Variants in DOCK8 observed in about 807,000 individuals in gnomAD.
DOCK8 encodes dedicator of cytokinesis protein 8.
Under a neutral mutation model 245.6 loss-of-function variants are expected in DOCK8, and 141 were observed. The ratio of observed to expected loss-of-function variants is 0.57; its 90% confidence interval spans 0.50 to 0.66. The LOEUF (loss-of-function observed/expected upper bound fraction) is 0.66. Ranked by LOEUF, DOCK8 falls within the 30% of genes least tolerant of loss-of-function variation. DOCK8 has a pLI of 0.00. For missense variants in DOCK8, 2,965 were observed against 2,603.4 expected, an observed-to-expected ratio of 1.14 and a Z score of -3.02; for synonymous variants, 1,168 against 970.2, an observed-to-expected ratio of 1.20 and a Z score of -3.79.
At chr9:316,994 C>A in intron 6 of DOCK8, 49 bp from the exon 7 acceptor site, 2 of 1,429,954 alleles carry the variant, frequency 1.4e-6, no homozygotes, top group Non-Finnish European at 2.0e-6. Context: ...CTAATTGGAG[C>A]TCCCCACAGA....
At position 428,357 on chromosome 9, in the gene DOCK8, C is replaced by G; in HGVS notation, c.4339-5C>G. 1.9e-6 allele frequency: 3 copies of G among 1,614,092 alleles called. No individual in the cohort carries two copies. The highest frequency in any genetic ancestry group is 8.5e-7 in the Non-Finnish European group (1 of 1,180,012). ...TTCAATGATGCTGTTCTTCCATTCC[C>G]CCAGGCGAGCTCGGCTCTGGACTGT... is the stretch of plus-strand genomic sequence containing the variant. On this transcript the variant is annotated splice_region_variant and splice_polypyrimidine_tract_variant and intron_variant, in intron 34 of 47. Transcript: ENST00000432829.
In DOCK8 at chr9:350,214, G is replaced by A. The variant is rs1275862799; in HGVS notation, c.1679+9893G>A. Among the ~76,000 whole-genome samples, 4 of 152,164 alleles carry A rather than the reference G, an allele frequency of 2.6e-5. No individual in the cohort carries two copies. In the South Asian group the frequency reaches 6.2e-4, roughly 24 times the overall value. On this transcript the variant is annotated intron_variant, in intron 14 of 47. Transcript: ENST00000432829. ...TGCAGCCTCAAACTGCTGGGCTTAA[G>A]TGATCCTCCCAACTCAGCCTCCCAA...
intron 1 of DOCK8, among the ~76,000 whole-genome samples, chr9:249,273 T>C (rs1170653228): frequency 6.6e-6 from 1 of 151,234 alleles, no homozygotes; most frequent in African/African-American, 2.4e-5. Context: ...CCAGTTCTTT[T>C]GTCCAACAAT....
chr9:229,733 C>T (rs560944523), intron 1 of DOCK8, among the ~76,000 whole-genome samples: 26 of 152,140 alleles, frequency 1.7e-4, no homozygotes, highest in Non-Finnish European at 2.8e-4. Context: ...GACAGAGAGA[C>T]TAACATATCT....
Position 382,692 on chromosome 9 carries a change from A to G in DOCK8, c.2778+7A>G, listed in dbSNP as rs1341999818. 1 of 1,614,136 alleles carries G rather than the reference A, an allele frequency of 6.2e-7. No individual in the cohort carries two copies. The highest frequency in any genetic ancestry group is 1.1e-5 in the South Asian group (1 of 91,084). On this transcript the variant is annotated splice_region_variant and intron_variant, in intron 22 of 47. Coordinates refer to ENST00000432829, the MANE Select transcript of DOCK8 (RefSeq NM_203447.4). ...GAACATCATGTCTTCAAAGGTAGGA[A>G]AGATGTCAAACCGTGGAAGGGGACA...
intron 1 of DOCK8, among the ~76,000 whole-genome samples, chr9:244,101 T>C (rs1587651053): frequency 6.8e-6 from 1 of 146,392 alleles, no homozygotes; most frequent in East Asian, 2.0e-4. Context: ...GGCAGGAGAA[T>C]GGCGTGAACC....
intron 26 of DOCK8, 34 bp from the exon 27 acceptor site, chr9:404,884 A>C (rs1258714572): frequency 6.2e-7 from 1 of 1,612,810 alleles, no homozygotes; most frequent in Non-Finnish European, 8.5e-7. Context: ...CCTTGTAATA[A>C]ATGTTTCATT....
chr9:216,277 C>T (rs1267765542), intron 1 of DOCK8, among the ~76,000 whole-genome samples: 1 of 152,074 alleles, frequency 6.6e-6, no homozygotes, highest in African/African-American at 2.4e-5. Context: ...CACCTCTAAT[C>T]CCAGCAATTT....
chr9:302,774 A>G (rs1193592886), intron 4 of DOCK8, among the ~76,000 whole-genome samples: 1 of 152,208 alleles, frequency 6.6e-6, no homozygotes, highest in Non-Finnish European at 1.5e-5. Flanking sequence ...CATTAGATAA[A>G]TACAAATCAA....
At position 227,909 on chromosome 9, in the gene DOCK8, A is replaced by G. The variant is rs550354300; in HGVS notation, c.53+12880A>G. ...ACACATGGCAGACCGTTGTAGTATC[A>G]GAAAAGAGAGCTAGGAGGGTAGTTA... is the stretch of plus-strand genomic sequence containing the variant. On this transcript the variant is annotated intron_variant, in intron 1 of 47. Coordinates refer to ENST00000432829, the MANE Select transcript of DOCK8 (RefSeq NM_203447.4). Among the ~76,000 whole-genome samples, 117 of 152,334 alleles carry G rather than the reference A, an allele frequency of 7.7e-4. 1 individual carries two copies. The highest frequency in any genetic ancestry group is 1.3e-3 in the Non-Finnish European group (89 of 68,030).
intron 28 of DOCK8, among the ~76,000 whole-genome samples, chr9:414,095 T>A (rs745469241): frequency 1.3e-5 from 2 of 149,906 alleles, no homozygotes; most frequent in Non-Finnish European, 2.9e-5. Context: ...TGAGCCGAGA[T>A]CGTGTCATTG....
upstream of DOCK8, among the ~76,000 whole-genome samples, chr9:212,567 T>G (rs1587586602): frequency 6.6e-6 from 1 of 152,354 alleles, no homozygotes; most frequent in South Asian, 2.1e-4. Context: ...CAGATCAAAC[T>G]TGAAAACAGG....
At chr9:348,915 C>T (rs1330245381) in intron 14 of DOCK8, among the ~76,000 whole-genome samples, 1 of 152,184 alleles carries the variant, frequency 6.6e-6, no homozygotes, top group Non-Finnish European at 1.5e-5. Context: ...ATTCATCCAC[C>T]TTTCACTGAG....
intron 4 of DOCK8, among the ~76,000 whole-genome samples, chr9:300,298 G>T (rs1168674138): frequency 6.6e-6 from 1 of 152,102 alleles, no homozygotes; most frequent in Non-Finnish European, 1.5e-5. Flanking sequence ...ATTGCTAGTA[G>T]CTCTCTTACA....
At chr9:235,895 G>A (rs550034332) in intron 1 of DOCK8, among the ~76,000 whole-genome samples, 6 of 152,290 alleles carry the variant, frequency 3.9e-5, no homozygotes, top group East Asian at 1.9e-4. Context: ...CGCATGTTGC[G>A]CTGCACCCAC....
chr9:303,639 A>C (rs10757845), intron 4 of DOCK8, among the ~76,000 whole-genome samples: 1 of 152,054 alleles, frequency 6.6e-6, no homozygotes, highest in Non-Finnish European at 1.5e-5. Flanking sequence ...GGGATTACTA[A>C]AGAAGGGAGG....
rs112348512 is a variant in DOCK8, at chr9:327,192, C to T, written c.895-830C>T. Among the ~76,000 whole-genome samples the T allele has an allele frequency of 3.7e-3, 565 of 152,292 alleles. 4 individuals are homozygous for T. The highest frequency in any genetic ancestry group is 0.013 in the African/African-American group (552 of 41,562). On this transcript the variant is annotated intron_variant, in intron 8 of 47. Coordinates refer to ENST00000432829, the MANE Select transcript of DOCK8 (RefSeq NM_203447.4). ...TTCATACTCTAATCTCTCCCTGGCA[C>T]ATCATCACCTTCCACCCCTGCCTAT...
At chr9:279,549 T>G (rs2048492535) in intron 2 of DOCK8, among the ~76,000 whole-genome samples, 1 of 152,170 alleles carries the variant, frequency 6.6e-6, no homozygotes, top group African/African-American at 2.4e-5. Flanking sequence ...CTGAGGATTT[T>G]CTCAGTACAT....
intron 22 of DOCK8, among the ~76,000 whole-genome samples, chr9:384,788 C>G (rs552145816): frequency 3.3e-5 from 5 of 151,948 alleles, no homozygotes; most frequent in Non-Finnish European, 7.4e-5. Context: ...TGGTGGCGGG[C>G]GCCTGTAATC....
Sources: gnomAD v4.1 joint callset for allele counts (sites outside exome capture counted in the v4.1 genomes callset) on GRCh38, gnomAD v4.1.1 for gene constraint, MANE v1.5 for transcripts, NCBI Gene and HGNC (gene_info 2026-07-23, HGNC 2026-07-21) for gene names.